The following MAP3K21 variants were observed in gnomAD, a reference collection of about 807,000 sequenced individuals.
The protein encoded by MAP3K21 is mitogen-activated protein kinase kinase kinase 21.
A neutral mutation model predicts 86.1 loss-of-function variants in MAP3K21; 63 were observed. The observed-to-expected ratio is 0.73, with a 90% confidence interval of 0.60 to 0.90. MAP3K21 has a LOEUF of 0.90. Among genes scored for constraint, MAP3K21 ranks in the 40% least tolerant of loss-of-function variants. The pLI is 0.00. For synonymous variants in MAP3K21, 558 were observed against 564.8 expected (o/e 0.99, Z 0.17); for missense variants, 1,220 against 1,367.7 (o/e 0.89, Z 1.70).
chr1:233,339,380 T>TC (rs1662989382), intron 1 of MAP3K21, among the ~76,000 whole-genome samples: 4 of 50,858 alleles, frequency 7.9e-5, no homozygotes, highest in South Asian at 7.3e-4. Context: ...TTCTCCTTCT[T>TC]CTCCTTCTTC....
At chr1:233,359,594 G>A (rs1572249906) in intron 4 of MAP3K21, among the ~76,000 whole-genome samples, 1 of 152,212 alleles carries the variant, frequency 6.6e-6, no homozygotes. Context: ...TAGATACTGG[G>A]TCCTCCCTAA....
chr1:233,337,201 C>T (rs1662933981), intron 1 of MAP3K21, among the ~76,000 whole-genome samples: 1 of 73,164 alleles, frequency 1.4e-5, no homozygotes, highest in South Asian at 5.3e-4. Flanking sequence ...TGTAATTCTG[C>T]TGTTGTAGCC....
chr1:233,339,957 C>G (rs921738895), intron 1 of MAP3K21, among the ~76,000 whole-genome samples: 3 of 152,078 alleles, frequency 2.0e-5, no homozygotes, highest in Admixed American at 6.5e-5. Context: ...CTCATTCATT[C>G]AGCAAACACT....
In MAP3K21 at chr1:233,379,020, C is replaced by T; in HGVS notation, c.2014C>T (p.Leu672=). 6.2e-7 allele frequency: 1 copy of T among 1,614,176 alleles called. No homozygotes were observed. ...IKLPSQAYID[L]PLGKDAQREN... is the part of the protein sequence containing the mutation. ...ATTGCCTAGTCAGGCCTACATTGATCTACCTCTTGGGAAAGATGCTCAGAG... is the reference window on the plus strand; with the variant it reads ...ATTGCCTAGTCAGGCCTACATTGATTTACCTCTTGGGAAAGATGCTCAGAG... Residue 672 remains leucine, a synonymous_variant, in exon 9 of 10, where the codon CTA becomes TTA. Transcript: ENST00000366624.
intron 1 of MAP3K21, among the ~76,000 whole-genome samples, chr1:233,331,103 A>G (rs1662802258): frequency 6.6e-6 from 1 of 152,232 alleles, no homozygotes; most frequent in Non-Finnish European, 1.5e-5. Flanking sequence ...AGTATAGACT[A>G]CTGTGTATTC....
chr1:233,328,399 T>G lies in MAP3K21; in HGVS notation c.371T>G (p.Leu124Arg), dbSNP rs1662738149. ...CCGGTACACGTCGCCTTCGAGCGGC[T>G]GGAGCTGAAGGAGCTCATCGGCGCT... ...SSPVHVAFER[L>R]ELKELIGAGG... Residue 124 changes from leucine to arginine, a missense_variant, in exon 1 of 10, where the codon CTG (leucine) becomes CGG (arginine). Transcript: ENST00000366624. This position sits in a 1 kb window ranked among gnomAD's most constrained non-coding sequence, Gnocchi z 8.7. The G allele has an allele frequency of 2.0e-6, 3 of 1,489,846 alleles. No individual in the cohort carries two copies. The highest frequency in any genetic ancestry group is 2.7e-6 in the Non-Finnish European group (3 of 1,127,728). 92.3% of individuals were successfully genotyped at this position (1,489,846 alleles called of 1,614,324 possible).
In MAP3K21 at chr1:233,361,412, T is replaced by A. The variant is rs1663463699; in HGVS notation, c.1312-641T>A. Among the ~76,000 whole-genome samples the A allele has an allele frequency of 2.0e-5, 3 of 152,320 alleles. No individual in the cohort carries two copies. The South Asian group carries it at 6.2e-4, about 32-fold the overall frequency. ...AAGTTCTTTGTATACAGAATATATT[T>A]TCCTTTGGCTTGCAATTTTAGAGGT... On this transcript the variant is annotated intron_variant, in intron 4 of 9. Transcript: ENST00000366624.
intron 1 of MAP3K21, among the ~76,000 whole-genome samples, chr1:233,329,586 G>A (rs1235785140): frequency 6.6e-6 from 1 of 151,986 alleles, no homozygotes; most frequent in African/African-American, 2.4e-5. Flanking sequence ...CCCGGGAGGC[G>A]GAAGTTGCAG....
chr1:233,339,243 CT>C, intron 1 of MAP3K21, among the ~76,000 whole-genome samples: 3 of 88,562 alleles, frequency 3.4e-5, no homozygotes, highest in African/African-American at 1.3e-4. Context: ...TCTTCTTCTT[CT>C]TCTTCTTCTT....
At chr1:233,370,043 T>A (rs111319579) in intron 5 of MAP3K21, among the ~76,000 whole-genome samples, 2 of 152,296 alleles carry the variant, frequency 1.3e-5, no homozygotes, top group African/African-American at 4.8e-5. Flanking sequence ...TAAAAATGCA[T>A]CTGGCTGCTG....
At chr1:233,343,739 G>A (rs771222251) in intron 1 of MAP3K21, among the ~76,000 whole-genome samples, 1 of 152,132 alleles carries the variant, frequency 6.6e-6, no homozygotes, top group Non-Finnish European at 1.5e-5. Context: ...GTTCCTCAGT[G>A]TCTTTATGTA....
intron 5 of MAP3K21, among the ~76,000 whole-genome samples, chr1:233,371,426 T>A (rs1663677110): frequency 1.3e-5 from 2 of 152,200 alleles, no homozygotes; most frequent in South Asian, 4.1e-4. Flanking sequence ...AGTGGCACAA[T>A]CTCAGCTCAC....
chr1:233,372,028 C>T lies in MAP3K21; in HGVS notation c.1553-10C>T. 1 of 1,601,696 alleles carries T rather than the reference C, an allele frequency of 6.2e-7. No homozygotes were observed. The highest frequency in any genetic ancestry group is 1.4e-5 in the African/African-American group (1 of 73,906). ...ATGAAATACCAGTTCTCCCTTTTTG[C>T]CTCCAACAGATTTCCAGCACAAGAT... On this transcript the variant is annotated splice_polypyrimidine_tract_variant and intron_variant, in intron 5 of 9. Coordinates refer to ENST00000366624, the MANE Select transcript of MAP3K21 (RefSeq NM_032435.3).
chr1:233,382,421 A>T lies in MAP3K21; in HGVS notation c.2821A>T (p.Ile941Phe). 6.2e-7 allele frequency: 1 copy of T among 1,614,120 alleles called. No individual in the cohort carries two copies. Among genetic ancestry groups the T allele is most frequent in the Non-Finnish European group, 8.5e-7 (1 of 1,180,028 alleles). ...ACCCAAGAAGCACAGCACTGTCCACATCGTGCCTCAGCGTCGCCCTGCCTC... is the reference window on the plus strand; with the variant it reads ...ACCCAAGAAGCACAGCACTGTCCACTTCGTGCCTCAGCGTCGCCCTGCCTC... ...VSPKKHSTVH[I>F]VPQRRPASLR... The change falls in exon 10 of 10, where the codon ATC becomes TTC. Residue 941 changes from isoleucine to phenylalanine, a missense_variant. Physicochemically the swap from Ile to Phe is conservative, Grantham distance 21. Transcript: ENST00000366624.
rs1663296584 is a variant in MAP3K21 at position 233,353,863 on chromosome 1, A to G, written c.1043A>G (p.Asp348Gly). 6.2e-7 allele frequency: 1 copy of G among 1,613,102 alleles called. No individual in the cohort carries two copies. Among genetic ancestry groups the G allele is most frequent in the Non-Finnish European group, 8.5e-7 (1 of 1,179,684 alleles). Residue 348 changes from aspartate (D) to glycine (G), a missense_variant, in exon 3 of 10, where the codon GAT becomes GGT. By Grantham distance (94) the Asp-to-Gly change is moderately conservative. Around this residue, in one of 5 missense-constraint regions of MAP3K21, gnomAD observed 89 missense variants for 144.8 expected, o/e 0.61. Transcript: ENST00000366624. ...GGAGAAGTCCCCTATCGGGGCATTG[A>G]TGGCCTCGCCGTGGCTTATGGGGTA... Reference protein sequence around the residue: ...LTGEVPYRGIDGLAVAYGVAV... With the variant: ...LTGEVPYRGIGGLAVAYGVAV...
chr1:233,377,927 C>T (rs886948589), intron 8 of MAP3K21, among the ~76,000 whole-genome samples: 1 of 152,128 alleles, frequency 6.6e-6, no homozygotes, highest in African/African-American at 2.4e-5. Context: ...CAATGGGGTT[C>T]ATGCTCCTAT....
chr1:233,364,593 G>T (rs1254342298), intron 5 of MAP3K21, among the ~76,000 whole-genome samples: 1 of 152,068 alleles, frequency 6.6e-6, no homozygotes, highest in Non-Finnish European at 1.5e-5. Flanking sequence ...TTTCAGTCTT[G>T]CTTTTCTTCT....
At position 233,379,074 on chromosome 1, in the gene MAP3K21, G is replaced by T. The variant is rs1213590654; in HGVS notation, c.2068G>T (p.Glu690Ter). The change falls in exon 9 of 10, where the codon GAG becomes TAG. Residue 690 changes from glutamate to a stop codon, truncating the protein, a stop_gained. Coordinates refer to ENST00000366624, the MANE Select transcript of MAP3K21 (RefSeq NM_032435.3). LOFTEE classifies it high-confidence loss of function. ...RENPAEAESW[E>*]EAASANAATV... ...GAATCCTGCAGAAGCTGAAAGCTGG[G>T]AGGAGGCAGCCTCTGCGAATGCTGC... The T allele has an allele frequency of 1.2e-6, 2 of 1,614,200 alleles. No individual in the cohort carries two copies. Among genetic ancestry groups the T allele is most frequent in the Non-Finnish European group, 1.7e-6 (2 of 1,180,038 alleles).
intron 5 of MAP3K21, among the ~76,000 whole-genome samples, chr1:233,368,300 C>T (rs566386698): frequency 4.6e-5 from 7 of 152,264 alleles, no homozygotes; most frequent in Non-Finnish European, 1.0e-4. Context: ...CCAACTACCA[C>T]CACCTAGTCT....
Sources: allele counts gnomAD v4.1 joint callset (sites outside exome capture counted in the v4.1 genomes callset), GRCh38; gene constraint gnomAD v4.1.1; regional missense constraint gnomAD v4.1.1; non-coding constraint Gnocchi (gnomAD v3.1); transcripts MANE v1.5; gene names NCBI Gene and HGNC (gene_info 2026-07-23, HGNC 2026-07-21).